The following EPX variants were observed in gnomAD, a reference collection of about 807,000 sequenced individuals.
EPX encodes the protein eosinophil peroxidase.
A neutral mutation model predicts 73.0 loss-of-function variants in EPX; 60 were observed. The observed-to-expected ratio is 0.82, with a 90% CI of 0.67 to 1.02. The LOEUF (loss-of-function observed/expected upper bound fraction) is 1.02. Among genes scored for constraint, EPX ranks in the 50% least tolerant of loss-of-function variants. The pLI, the probability that EPX is intolerant of heterozygous loss-of-function variation, is 0.00. For missense variants in EPX, 950 were observed against 973.9 expected, an observed-to-expected ratio of 0.98 and a Z score of 0.33; for synonymous variants, 347 against 389.2, an observed-to-expected ratio of 0.89 and a Z score of 1.28.
At position 58,193,404 on chromosome 17, in the gene EPX, C is replaced by G; in HGVS notation, c.204C>G (p.Ser68Arg). The G allele has an allele frequency of 5.6e-6, 9 of 1,614,212 alleles. No individual in the cohort carries two copies. The highest frequency in any genetic ancestry group is 6.8e-6 in the Non-Finnish European group (8 of 1,180,030). ...IKQRLRSGSA[S>R]PMDLLSYFKQ... ...AGCGGCTTCGCAGCGGTTCAGCCAGCCCCATGGACCTCCTGTCCTACTTCA... is the reference window on the plus strand; with the variant it reads ...AGCGGCTTCGCAGCGGTTCAGCCAGGCCCATGGACCTCCTGTCCTACTTCA... Residue 68 changes from serine to arginine, a missense_variant, in exon 3 of 13, where the codon AGC (serine) becomes AGG (arginine). Ser to Arg is a moderately radical substitution (Grantham distance 110). Coordinates refer to ENST00000225371, the MANE Select transcript of EPX (RefSeq NM_000502.6).
Position 58,193,409 on chromosome 17 carries a change from T to A in EPX, c.209T>A (p.Met70Lys), listed in dbSNP as rs1455420161. Residue 70 changes from methionine (M) to lysine (K), a missense_variant, in exon 3 of 13, where the codon ATG (methionine) becomes AAG (lysine). By Grantham distance (95) the Met-to-Lys change is moderately conservative (BLOSUM62 -1). Coordinates refer to ENST00000225371, the MANE Select transcript of EPX (RefSeq NM_000502.6). The part of the protein sequence containing the change: ...QRLRSGSASP[M>K]DLLSYFKQPV... ...CTTCGCAGCGGTTCAGCCAGCCCCA[T>A]GGACCTCCTGTCCTACTTCAAACAA... is the stretch of plus-strand genomic sequence containing the variant. 6.2e-6 allele frequency: 10 copies of A among 1,614,194 alleles called. No individual in the cohort carries two copies. The highest frequency in any genetic ancestry group is 8.5e-7 in the Non-Finnish European group (1 of 1,180,026).
In EPX at chr17:58,192,927, T is replaced by G; in HGVS notation, c.76+5T>G. 1 of 1,613,610 alleles carries G rather than the reference T, an allele frequency of 6.2e-7. No individual in the cohort carries two copies. On this transcript the variant is annotated splice_donor_5th_base_variant and intron_variant, in intron 1 of 12. Transcript: ENST00000225371. ...CCTGTGAGGGCACTGACCCAGGTAA[T>G]AGTCCCCTAGACAGGCAAGGAGGAG... is the stretch of plus-strand genomic sequence containing the variant.
At chr17:58,202,819 T>C (rs1224818025) in intron 10 of EPX, 11 of 509,372 alleles carry the variant, frequency 2.2e-5, no homozygotes, top group Non-Finnish European at 3.9e-5. Context: ...TTTGTGGTTA[T>C]GAGTTTTGGG....
intron 12 of EPX, 109 bp downstream of exon 12, chr17:58,204,543 T>A: frequency 1.4e-6 from 1 of 696,766 alleles, no homozygotes; most frequent in South Asian, 1.6e-5. Flanking sequence ...ACAGAACTTG[T>A]CACTAGGTAC....
chr17:58,201,086 C>T (rs1968334848), intron 10 of EPX, among the ~76,000 whole-genome samples: 1 of 152,194 alleles, frequency 6.6e-6, no homozygotes. Context: ...ACAATTTCTC[C>T]TTTCTTCCCC....
At position 58,204,738 on chromosome 17, in the gene EPX, G is replaced by T. The variant is rs1968406570; in HGVS notation, c.*14G>T. The T allele has an allele frequency of 2.8e-6, 1 of 353,486 alleles. No individual in the cohort carries two copies. The highest frequency in any genetic ancestry group is 5.3e-6 in the Non-Finnish European group (1 of 187,494). The allele number at this position is 353,486 out of a possible 1,614,324, so 21.9% of individuals were successfully genotyped here. The stretch of plus-strand genomic sequence containing the variant: ...ATCCAGTTCTGTTACTTCCACAGGA[G>T]TCTATCCCAAGTCTCCAACTTTTGG... On this transcript the variant is annotated splice_region_variant and 3_prime_UTR_variant, in exon 13 of 13. Transcript: ENST00000225371.
At chr17:58,194,514 C>G (rs181303460) in intron 5 of EPX, among the ~76,000 whole-genome samples, 2 of 152,168 alleles carry the variant, frequency 1.3e-5, no homozygotes, top group Admixed American at 1.3e-4. Flanking sequence ...TATCATCTAC[C>G]CATCTATCAA....
rs1567787416 is a variant in EPX at position 58,193,034 on chromosome 17, A to AGATGGGG, written c.77-4_77-3insGATGGGG. On this transcript the variant is annotated splice_polypyrimidine_tract_variant and splice_region_variant and intron_variant, in intron 1 of 12. Transcript: ENST00000225371. The stretch of plus-strand genomic sequence containing the variant: ...GAACCCTGAGTCCCCATCTCTTTGA[A>AGATGGGG]CAGCCTCCCCTGGGGCAGTGGAGAC... The AGATGGGG allele has an allele frequency of 6.2e-7, 1 of 1,610,100 alleles. No individual in the cohort carries two copies. The highest frequency in any genetic ancestry group is 2.2e-5 in the East Asian group (1 of 44,846).
At chr17:58,193,693 T>C (rs1470503510) in intron 3 of EPX, 21 bp from the exon 4 acceptor site, 1 of 1,584,420 alleles carries the variant, frequency 6.3e-7, no homozygotes, top group Non-Finnish European at 8.7e-7. Context: ...AGCTCAGGTC[T>C]GCCCATTTGC....
In EPX at chr17:58,194,937, C is replaced by G. The variant is rs188328305; in HGVS notation, c.595-27C>G. ...CCTTGTGGGGTCAGGGAGCCCATGT[C>G]CCGTGCTGATGTTATTTCCCCACCA... On this transcript the variant is annotated intron_variant, in intron 5 of 12. Coordinates refer to ENST00000225371, the MANE Select transcript of EPX (RefSeq NM_000502.6). The G allele has an allele frequency of 8.1e-5, 129 of 1,585,910 alleles. No individual in the cohort carries two copies. In the Middle Eastern group the frequency reaches 1.3e-3, roughly 16 times the overall value.
chr17:58,196,948 A>C lies in EPX; in HGVS notation c.811A>C (p.Asn271His), dbSNP rs774729391. Residue 271 changes from asparagine (N) to histidine (H), a missense_variant, in exon 7 of 13, where the codon AAT becomes CAT. Physicochemically the swap from Asn to His is moderately conservative, Grantham distance 68. Coordinates refer to ENST00000225371, the MANE Select transcript of EPX (RefSeq NM_000502.6). ...PPCFPIKIPP[N>H]DPRIKNQRDC... ...TCCTCTTCCATCTCAGATCCCACCC[A>C]ATGACCCCCGCATCAAGAACCAGCG... 8.7e-6 allele frequency: 14 copies of C among 1,613,346 alleles called. No homozygotes were observed. The highest frequency in any genetic ancestry group is 1.2e-5 in the Non-Finnish European group (14 of 1,179,744).
intron 8 of EPX, 58 bp downstream of exon 8, chr17:58,199,258 C>CCT: frequency 1.3e-6 from 2 of 1,561,520 alleles, no homozygotes; most frequent in African/African-American, 2.7e-5. Flanking sequence ...GAGAAGCAGT[C>CCT]CTTAACACAT....
At chr17:58,197,344 G>A in intron 7 of EPX, 87 bp downstream of exon 7, 2 of 1,528,654 alleles carry the variant, frequency 1.3e-6, no homozygotes, top group Non-Finnish European at 1.8e-6. Context: ...TGTGGTGAAG[G>A]TACATGGTTT....
At chr17:58,193,331 G>C in intron 2 of EPX, 40 bp from the exon 3 acceptor site, 2 of 1,608,276 alleles carry the variant, frequency 1.2e-6, no homozygotes, top group South Asian at 2.2e-5. Context: ...GGGTGGGTCT[G>C]CACCCTCTCT....
In EPX at chr17:58,197,233, G is replaced by C. The variant is rs1278861716; in HGVS notation, c.1096G>C (p.Ala366Pro). The part of the protein sequence containing the change: ...DDPCLLTNRS[A>P]RIPCFLAGDT... ...CCCCTGTCTCCTCACCAACCGCTCG[G>C]CGCGCATCCCCTGCTTCCTGGCAGG... Residue 366 changes from alanine (A) to proline (P), a missense_variant, in exon 7 of 13, where the codon GCG becomes CCG. Coordinates refer to ENST00000225371, the MANE Select transcript of EPX (RefSeq NM_000502.6). 6.2e-7 allele frequency: 1 copy of C among 1,612,514 alleles called. No homozygotes were observed. Among genetic ancestry groups the C allele is most frequent in the Non-Finnish European group, 8.5e-7 (1 of 1,180,040 alleles).
At position 58,193,712 on chromosome 17, in the gene EPX, A is replaced by T. The variant is rs1421839580; in HGVS notation, c.347-2A>T. The T allele has an allele frequency of 6.2e-7, 1 of 1,609,478 alleles. No homozygotes were observed. Among genetic ancestry groups the T allele is most frequent in the Admixed American group, 1.7e-5 (1 of 60,000 alleles). ...CAGGTCTGCCCATTTGCCTTCCCAC[A>T]GATGTGCTAACAGAACCACAGCTGC... On this transcript the variant is annotated splice_acceptor_variant, in intron 3 of 12. Coordinates refer to ENST00000225371, the MANE Select transcript of EPX (RefSeq NM_000502.6). LOFTEE classifies it high-confidence loss of function.
At position 58,203,249 on chromosome 17, in the gene EPX, G is replaced by A; in HGVS notation, c.1877G>A (p.Gly626Glu). 6.2e-7 allele frequency: 1 copy of A among 1,614,178 alleles called. No homozygotes were observed. The highest frequency in any genetic ancestry group is 2.2e-5 in the East Asian group (1 of 44,872). ...IGAIAEPLLP[G>E]ARVGPLLACL... ...GCCATCGCTGAGCCTCTTTTGCCGGGGGCTCGAGTGGGGCCTCTTCTGGCT... is the reference window on the plus strand; with the variant it reads ...GCCATCGCTGAGCCTCTTTTGCCGGAGGCTCGAGTGGGGCCTCTTCTGGCT... Residue 626 changes from glycine to glutamate, a missense_variant, in exon 11 of 13, where the codon GGG (glycine) becomes GAG (glutamate). Gly to Glu is a moderately conservative substitution (Grantham distance 98, BLOSUM62 -2). Transcript: ENST00000225371.
intron 12 of EPX, 99 bp downstream of exon 12, chr17:58,204,533 A>G: frequency 1.4e-6 from 1 of 736,130 alleles, no homozygotes; most frequent in Admixed American, 2.2e-5. Context: ...AGCAGAGAAA[A>G]CAGAACTTGT....
rs750605437 is a variant in EPX, at chr17:58,203,232, T to C, written c.1860T>C (p.Ala620=). 1 of 1,614,234 alleles carries C rather than the reference T, an allele frequency of 6.2e-7. No homozygotes were observed. Among genetic ancestry groups the C allele is most frequent in the South Asian group, 1.1e-5 (1 of 91,088 alleles). Residue 620 remains alanine, a synonymous_variant, in exon 11 of 13, where the codon GCT becomes GCC. Transcript: ENST00000225371. ...DNIDIWIGAI[A]EPLLPGARVG... is the part of the protein sequence containing the mutation. ...TTGACATCTGGATTGGGGCCATCGCTGAGCCTCTTTTGCCGGGGGCTCGAG... is the reference window on the plus strand; with the variant it reads ...TTGACATCTGGATTGGGGCCATCGCCGAGCCTCTTTTGCCGGGGGCTCGAG...
Sources: allele counts gnomAD v4.1 joint callset (sites outside exome capture counted in the v4.1 genomes callset), GRCh38; gene constraint gnomAD v4.1.1; transcripts MANE v1.5; gene names NCBI Gene and HGNC (gene_info 2026-07-23, HGNC 2026-07-21).